Variants in BROX observed in about 807,000 individuals in gnomAD.
BROX encodes BRO1 domain and CAAX motif containing.
Under a neutral mutation model 61.0 loss-of-function variants are expected in BROX, and 53 were observed. The ratio of observed to expected loss-of-function variants is 0.87; its 90% CI spans 0.70 to 1.09. BROX has a LOEUF of 1.09. Among genes scored for constraint, BROX ranks in the 50% least tolerant of loss-of-function variants. BROX has a pLI of 0.00. For missense variants in BROX, 489 were observed against 472.0 expected, an observed-to-expected ratio of 1.04 and a Z score of -0.33; for synonymous variants, 152 against 160.2, an observed-to-expected ratio of 0.95 and a Z score of 0.38.
At position 222,718,905 on chromosome 1, in the gene BROX, C is replaced by G. The variant is rs1289727558; in HGVS notation, c.102-20C>G. The G allele has an allele frequency of 6.3e-7, 1 of 1,599,544 alleles. No homozygotes were observed. The highest frequency in any genetic ancestry group is 1.3e-5 in the African/African-American group (1 of 74,494). On this transcript the variant is annotated intron_variant, in intron 2 of 12. Coordinates refer to ENST00000340934, the MANE Select transcript of BROX (RefSeq NM_144695.4). ...ATTGCAGTACAGCTAACTTTACTGT[C>G]TTTTTGTATCTCTTATAAGTGACTT... is the stretch of plus-strand genomic sequence containing the variant.
At chr1:222,714,817 C>T (rs1045095596) in intron 1 of BROX, among the ~76,000 whole-genome samples, 3 of 150,656 alleles carry the variant, frequency 2.0e-5, no homozygotes, top group East Asian at 2.0e-4. Context: ...TGAGCTCAAG[C>T]GATCCACCCA....
At chr1:222,726,990 C>A (rs983115050) in intron 7 of BROX, among the ~76,000 whole-genome samples, 178 bp from the exon 8 acceptor site, 11 of 152,216 alleles carry the variant, frequency 7.2e-5, no homozygotes, top group African/African-American at 2.7e-4. Flanking sequence ...TTGGAACCAA[C>A]AAACTCAGTG....
At chr1:222,727,500 T>C (rs1657596089) in intron 8 of BROX, among the ~76,000 whole-genome samples, 1 of 152,224 alleles carries the variant, frequency 6.6e-6, no homozygotes, top group Admixed American at 6.5e-5. Flanking sequence ...AAAATTTTTT[T>C]TTAGTGTTTA....
At chr1:222,717,148 T>C (rs1656691984) in intron 2 of BROX, among the ~76,000 whole-genome samples, 1 of 152,246 alleles carries the variant, frequency 6.6e-6, no homozygotes, top group African/African-American at 2.4e-5. Context: ...TCACATACAG[T>C]CACTGTTGCA....
intron 7 of BROX, among the ~76,000 whole-genome samples, chr1:222,725,837 G>T (rs1285426995): frequency 6.6e-6 from 1 of 152,124 alleles, no homozygotes; most frequent in Admixed American, 6.5e-5. Context: ...CTGGAGCCTG[G>T]GAGGTCAAAG....
chr1:222,712,742 G>C lies in BROX; in HGVS notation c.-217G>C. The stretch of plus-strand genomic sequence containing the variant: ...GGACTGCAACGCCGCGGCAATACCC[G>C]CCCCTGAGCTGCGCGCACTACCGCC... On this transcript the variant is annotated 5_prime_UTR_variant, in exon 1 of 13. Transcript: ENST00000340934. 7.8e-7 allele frequency: 1 copy of C among 1,289,936 alleles called. No individual in the cohort carries two copies. The highest frequency in any genetic ancestry group is 1.0e-6 in the Non-Finnish European group (1 of 989,266). The allele number at this position is 1,289,936 out of a possible 1,614,324, so 79.9% of individuals were successfully genotyped here.
At chr1:222,731,677 C>G (rs1657952084) in intron 12 of BROX, among the ~76,000 whole-genome samples, 161 bp downstream of exon 12, 1 of 152,178 alleles carries the variant, frequency 6.6e-6, no homozygotes, top group South Asian at 2.1e-4. Flanking sequence ...AGAACATTCT[C>G]AGAGATAAGA....
chr1:222,713,174 C>T, intron 1 of BROX: 6 of 982,128 alleles, frequency 6.1e-6, no homozygotes, highest in Non-Finnish European at 6.1e-6. Flanking sequence ...CCCGCATCTC[C>T]ATTGGTCATT....
intron 4 of BROX, among the ~76,000 whole-genome samples, chr1:222,720,208 A>G (rs1413595670): frequency 6.6e-6 from 1 of 152,160 alleles, no homozygotes. Context: ...AAATAAGAAA[A>G]TTTTTGTGAA....
At chr1:222,723,739 C>A (rs1356070257) in intron 5 of BROX, among the ~76,000 whole-genome samples, 1 of 152,126 alleles carries the variant, frequency 6.6e-6, no homozygotes, top group Non-Finnish European at 1.5e-5. Context: ...AGTGCAGTGG[C>A]ATGATCTCGG....
In BROX at chr1:222,713,016, C is replaced by A. The variant is rs1181449940; in HGVS notation, c.-17+74C>A. On this transcript the variant is annotated intron_variant, in intron 1 of 12. Transcript: ENST00000340934. ...TCCCCGGAGTCTCAAGCAATAGGAT[C>A]ACCCCCTTTTACATTAGTCTCCATA... 4 of 1,167,936 alleles carry A rather than the reference C, an allele frequency of 3.4e-6. No individual in the cohort carries two copies. The African/African-American group carries it at 6.4e-5, about 19-fold the overall frequency. 72.3% of individuals were successfully genotyped at this position (1,167,936 alleles called of 1,614,324 possible). A position where few individuals can be genotyped will look rare whatever the true frequency, so the allele number is the denominator to read the frequency against.
Position 222,735,185 on chromosome 1 carries a change from C to A in BROX, c.*2471C>A, listed in dbSNP as rs767726218. 2.0e-5 allele frequency: 3 copies of A among 152,320 alleles called. No homozygotes were observed. The highest frequency in any genetic ancestry group is 2.0e-4 in the Admixed American group (3 of 15,304). The allele number at this position is 152,320 out of a possible 1,614,324, so 9.4% of individuals were successfully genotyped here. The stretch of plus-strand genomic sequence containing the variant: ...ATGAAAATAAAAGTAATTTTACTTA[C>A]AATTTCATTGAGATCTTTTGTTTTT... On this transcript the variant is annotated 3_prime_UTR_variant, in exon 13 of 13. Transcript: ENST00000340934.
chr1:222,730,017 T>A lies in BROX; in HGVS notation c.839-10T>A. The stretch of plus-strand genomic sequence containing the variant: ...ATAATCAAAAGACTTTAAATCTCTT[T>A]CACATGCAGTGTATGCAAAGGCAGA... On this transcript the variant is annotated splice_polypyrimidine_tract_variant and intron_variant, in intron 10 of 12. Transcript: ENST00000340934. The A allele has an allele frequency of 2.5e-6, 4 of 1,588,180 alleles. No individual in the cohort carries two copies. The highest frequency in any genetic ancestry group is 2.6e-6 in the Non-Finnish European group (3 of 1,171,960).
intron 1 of BROX, chr1:222,713,599 A>T (rs886609105): frequency 1.9e-5 from 5 of 257,264 alleles, no homozygotes; most frequent in Non-Finnish European, 3.0e-5. Context: ...AACTCCCGAA[A>T]ACTGAAGACC....
In BROX at chr1:222,727,262, G is replaced by A. The variant is rs1657577198; in HGVS notation, c.670+5G>A. 5 of 1,594,884 alleles carry A rather than the reference G, an allele frequency of 3.1e-6. No individual in the cohort carries two copies. Among genetic ancestry groups the A allele is most frequent in the Non-Finnish European group, 4.3e-6 (5 of 1,163,146 alleles). ...CCAATTTCTATCAAAAAGCTGGTAA[G>A]CTTCTAATTCTGTCGTTACATTTTT... On this transcript the variant is annotated splice_donor_5th_base_variant and intron_variant, in intron 8 of 12. Coordinates refer to ENST00000340934, the MANE Select transcript of BROX (RefSeq NM_144695.4).
In BROX at chr1:222,732,731, A is replaced by C; in HGVS notation, c.*17A>C. On this transcript the variant is annotated 3_prime_UTR_variant, in exon 13 of 13. Coordinates refer to ENST00000340934, the MANE Select transcript of BROX (RefSeq NM_144695.4). ...ATCTCCTAAAATACAACTTGCACTT[A>C]GAATTTCTCTAGCAGTAAATAAGAT... The C allele has an allele frequency of 6.3e-7, 1 of 1,574,838 alleles. No individual in the cohort carries two copies. Among genetic ancestry groups the C allele is most frequent in the Non-Finnish European group, 8.7e-7 (1 of 1,148,520 alleles).
At chr1:222,725,617 T>A in intron 7 of BROX, 62 bp downstream of exon 7, 1 of 1,368,450 alleles carries the variant, frequency 7.3e-7, no homozygotes, top group Non-Finnish European at 1.0e-6. Context: ...AATTCCTCTT[T>A]AAAAATCAGA....
intron 7 of BROX, among the ~76,000 whole-genome samples, chr1:222,726,169 C>T (rs185296853): frequency 6.6e-6 from 1 of 152,190 alleles, no homozygotes; most frequent in African/African-American, 2.4e-5. Flanking sequence ...CGTTGGCTTA[C>T]CTTAATGTCT....
chr1:222,732,189 G>A (rs373103785), intron 12 of BROX, among the ~76,000 whole-genome samples: 90 of 152,106 alleles, frequency 5.9e-4, no homozygotes, highest in South Asian at 3.5e-3. Context: ...CATAAGTTAT[G>A]TCTAAGCTTT....
Sources: allele counts gnomAD v4.1 joint callset (sites outside exome capture counted in the v4.1 genomes callset), GRCh38; gene constraint gnomAD v4.1.1; transcripts MANE v1.5; gene names NCBI Gene and HGNC (gene_info 2026-07-23, HGNC 2026-07-21).